GRID2: variants seen among roughly 807,000 people sequenced by gnomAD.
The protein encoded by GRID2 is glutamate receptor ionotropic, delta-2.
Under a neutral mutation model 114.8 loss-of-function variants are expected in GRID2, and 33 were observed. The ratio of observed to expected loss-of-function variants is 0.29; its 90% confidence interval spans 0.22 to 0.38. The LOEUF (loss-of-function observed/expected upper bound fraction) is 0.38, where lower values mean the gene tolerates loss of function less well. Among genes scored for constraint, GRID2 ranks in the 10% least tolerant of loss-of-function variants. GRID2 has a pLI of 1.00. For synonymous variants in GRID2, 505 were observed against 449.9 expected, an observed-to-expected ratio of 1.12 and a Z score of -1.55; for missense variants, 1,184 against 1,257.7, an observed-to-expected ratio of 0.94 and a Z score of 0.89.
chr4:92,944,711 T>A (rs921611083), intron 2 of GRID2, among the ~76,000 whole-genome samples: 5 of 152,228 alleles, frequency 3.3e-5, no homozygotes, highest in African/African-American at 9.6e-5. Flanking sequence ...TTCTAACATA[T>A]TAGAATCTAT....
rs574836712 is a variant in GRID2, at chr4:93,428,030, G to A, written c.1545+5062G>A. On this transcript the variant is annotated intron_variant, in intron 10 of 15. Coordinates refer to ENST00000282020, the MANE Select transcript of GRID2 (RefSeq NM_001510.4). ...AAAGTATATCAAGTTTAGGATAGAA[G>A]TACCAAAAAAATTAAAAACAAAGAT... is the stretch of plus-strand genomic sequence containing the variant. 3.3e-5 allele frequency among the ~76,000 whole-genome samples: 5 copies of A among 152,012 alleles called. No individual in the cohort carries two copies. In the East Asian group the frequency reaches 7.7e-4, roughly 23 times the overall value.
At chr4:92,713,492 T>TAC (rs1735372763) in intron 2 of GRID2, among the ~76,000 whole-genome samples, 2 of 124,166 alleles carry the variant, frequency 1.6e-5, no homozygotes, top group Non-Finnish European at 3.4e-5. Context: ...TATATATATA[T>TAC]ATATATATAT....
At chr4:93,611,023 T>G (rs1740830975) in intron 13 of GRID2, among the ~76,000 whole-genome samples, 1 of 130,270 alleles carries the variant, frequency 7.7e-6, no homozygotes, top group Non-Finnish European at 1.6e-5. Flanking sequence ...AGATTCAACT[T>G]CTTCCTGGTT....
At chr4:92,373,224 C>T (rs1369212984) in intron 1 of GRID2, among the ~76,000 whole-genome samples, 2 of 152,164 alleles carry the variant, frequency 1.3e-5, no homozygotes, top group Non-Finnish European at 2.9e-5. Flanking sequence ...GGTAAAGAAT[C>T]AGCACTCATT....
rs535957991 is a variant in GRID2 at position 93,252,325 on chromosome 4, C to A, written c.1245+13835C>A. Among the ~76,000 whole-genome samples the A allele has an allele frequency of 6.0e-5, 7 of 115,802 alleles. No individual in the cohort carries two copies. The East Asian group carries it at 1.7e-3, about 29-fold the overall frequency. 76.0% of individuals were successfully genotyped at this position (115,802 alleles called of 152,430 possible). The stretch of plus-strand genomic sequence containing the variant: ...AGCACCTTTTATTGAATAGGGAATC[C>A]TTCATTTTTTTTTTTTTTTTTTGGT... On this transcript the variant is annotated intron_variant, in intron 8 of 15. Transcript: ENST00000282020.
chr4:92,491,956 C>T (rs1723165391), intron 1 of GRID2, among the ~76,000 whole-genome samples: 1 of 152,112 alleles, frequency 6.6e-6, no homozygotes, highest in Non-Finnish European at 1.5e-5. Flanking sequence ...CTAAATTTTG[C>T]ACAGGATACA....
At chr4:93,310,054 G>A (rs944303485) in intron 8 of GRID2, among the ~76,000 whole-genome samples, 1 of 152,050 alleles carries the variant, frequency 6.6e-6, no homozygotes, top group Non-Finnish European at 1.5e-5. Context: ...ACTAGAAGGG[G>A]GTAATGAGAG....
At chr4:92,581,557 A>G (rs551093899) in intron 1 of GRID2, among the ~76,000 whole-genome samples, 2 of 152,168 alleles carry the variant, frequency 1.3e-5, no homozygotes, top group East Asian at 3.9e-4. Context: ...GTGATTTCAC[A>G]TGTTATTGGA....
intron 1 of GRID2, among the ~76,000 whole-genome samples, chr4:92,476,295 A>C (rs1323671689): frequency 6.6e-6 from 1 of 152,050 alleles, no homozygotes; most frequent in Non-Finnish European, 1.5e-5. Flanking sequence ...AAAGTGCTGG[A>C]ATTATAGGCG....
At chr4:93,281,715 T>C (rs1295797565) in intron 8 of GRID2, among the ~76,000 whole-genome samples, 1 of 152,044 alleles carries the variant, frequency 6.6e-6, no homozygotes, top group Non-Finnish European at 1.5e-5. Context: ...AAATATGTAA[T>C]ATAAGAAGTT....
chr4:93,702,808 ACT>A (rs1232284433), intron 14 of GRID2, among the ~76,000 whole-genome samples: 4 of 152,062 alleles, frequency 2.6e-5, no homozygotes, highest in African/African-American at 4.8e-5. Context: ...AGTTTATAAA[ACT>A]CTCTGTCTAA....
intron 2 of GRID2, among the ~76,000 whole-genome samples, chr4:92,666,804 A>AT (rs200990815): frequency 1.7e-4 from 26 of 151,300 alleles, no homozygotes; most frequent in Non-Finnish European, 3.0e-4. Flanking sequence ...AAAAATTAAG[A>AT]TTAAAAAAAA....
chr4:92,938,291 C>A (rs1270364728), intron 2 of GRID2, among the ~76,000 whole-genome samples: 1 of 146,270 alleles, frequency 6.8e-6, no homozygotes, highest in Non-Finnish European at 1.5e-5. Flanking sequence ...AGTTGGGATT[C>A]TTTTCTTATC....
At chr4:92,548,401 A>ATTTTTTTTTTTTTTTC (rs1726387059) in intron 1 of GRID2, among the ~76,000 whole-genome samples, 1 of 60,808 alleles carries the variant, frequency 1.6e-5, no homozygotes, top group Admixed American at 2.5e-4. Flanking sequence ...AGACTGTGTA[A>ATTTTTTTTTTTTTTTC]TTTTTTTTTT....
At chr4:93,466,036 A>G (rs564432187) in intron 11 of GRID2, among the ~76,000 whole-genome samples, 2 of 152,260 alleles carry the variant, frequency 1.3e-5, no homozygotes, top group East Asian at 1.9e-4. Context: ...GCTCATAAAG[A>G]CTTAGGTTTT....
intron 2 of GRID2, among the ~76,000 whole-genome samples, chr4:92,709,674 T>A (rs956656677): frequency 6.0e-5 from 9 of 151,028 alleles, no homozygotes; most frequent in Non-Finnish European, 1.2e-4. Context: ...ATATAAGAGT[T>A]AAATTTTATG....
intron 14 of GRID2, among the ~76,000 whole-genome samples, chr4:93,627,685 G>A (rs1381240925): frequency 6.6e-6 from 1 of 152,202 alleles, no homozygotes; most frequent in Non-Finnish European, 1.5e-5. Flanking sequence ...ACCTAACAGG[G>A]ACATGCTGTT....
At chr4:92,430,349 T>C (rs1393290222) in intron 1 of GRID2, among the ~76,000 whole-genome samples, 1 of 152,152 alleles carries the variant, frequency 6.6e-6, no homozygotes, top group Non-Finnish European at 1.5e-5. Context: ...GCACCATTTA[T>C]TGAAGAGAAT....
intron 2 of GRID2, among the ~76,000 whole-genome samples, chr4:93,011,000 C>CT (rs1250883026): frequency 1.3e-5 from 2 of 151,654 alleles, no homozygotes; most frequent in African/African-American, 4.8e-5. Context: ...CTTTTCTGAC[C>CT]TTTTTAGATT....
Sources: gnomAD v4.1 joint callset for allele counts (sites outside exome capture counted in the v4.1 genomes callset) on GRCh38, gnomAD v4.1.1 for gene constraint, MANE v1.5 for transcripts, NCBI Gene and HGNC (gene_info 2026-07-23, HGNC 2026-07-21) for gene names.